ANKRD36: variants seen among roughly 807,000 people sequenced by gnomAD.
The protein encoded by ANKRD36 is ankyrin repeat domain 36.
A neutral mutation model predicts 278.1 loss-of-function variants in ANKRD36; 179 were observed. The observed-to-expected ratio is 0.64, with a 90% confidence interval of 0.57 to 0.73. The LOEUF is 0.73. ANKRD36 is among the 30% of genes least tolerant of loss of function. The probability of loss-of-function intolerance (pLI) is 0.00; values close to 1 mark genes in which losing one functional copy is unlikely to be tolerated. For synonymous variants in ANKRD36, 320 were observed against 641.1 expected, an observed-to-expected ratio of 0.50 and a Z score of 7.57; for missense variants, 1,159 against 1,956.7, an observed-to-expected ratio of 0.59 and a Z score of 7.69.
chr2:97,169,852 C>G (rs1275462557), intron 22 of ANKRD36, among the ~76,000 whole-genome samples: 1 of 152,208 alleles, frequency 6.6e-6, no homozygotes, highest in Non-Finnish European at 1.5e-5. Context: ...AATGGCCATA[C>G]TGCCCAAAGT....
chr2:97,178,896 G>A (rs894130095), intron 22 of ANKRD36, among the ~76,000 whole-genome samples: 1 of 151,654 alleles, frequency 6.6e-6, no homozygotes, highest in African/African-American at 2.4e-5. Flanking sequence ...TATTTTAGAA[G>A]TGAAAATAAT....
chr2:97,184,998 T>C (rs2057085532), intron 28 of ANKRD36, among the ~76,000 whole-genome samples: 2 of 151,922 alleles, frequency 1.3e-5, no homozygotes, highest in South Asian at 4.2e-4. Context: ...TTCTCAGGTG[T>C]ATGAGTTGCT....
intron 22 of ANKRD36, among the ~76,000 whole-genome samples, chr2:97,179,381 G>A (rs2055430087): frequency 6.6e-6 from 1 of 151,556 alleles, no homozygotes; most frequent in Admixed American, 6.6e-5. Flanking sequence ...TGTATCACCT[G>A]CTTTGACGTT....
At chr2:97,149,891 G>T (rs997416209) in intron 12 of ANKRD36, among the ~76,000 whole-genome samples, 38 of 151,686 alleles carry the variant, frequency 2.5e-4, no homozygotes, top group African/African-American at 7.0e-4. Flanking sequence ...TCCTGGCTCT[G>T]TAATTAGACT....
At position 97,164,392 on chromosome 2, in the gene ANKRD36, T is replaced by C. The variant is rs2050070969; in HGVS notation, c.1459-5T>C. ...GTTAATCATTATGTTGTCAAACCCA[T>C]TCAGCATACGGTGAAAGACAGAGAT... is the stretch of plus-strand genomic sequence containing the variant. On this transcript the variant is annotated splice_polypyrimidine_tract_variant and splice_region_variant and intron_variant, in intron 19 of 75. Coordinates refer to ENST00000420699, the MANE Select transcript of ANKRD36 (RefSeq NM_001354587.1). The C allele has an allele frequency of 4.6e-6, 7 of 1,537,642 alleles. No individual in the cohort carries two copies. Among genetic ancestry groups the C allele is most frequent in the Non-Finnish European group, 6.1e-6 (7 of 1,146,866 alleles).
At chr2:97,230,109 A>T (rs1325641891) in intron 67 of ANKRD36, among the ~76,000 whole-genome samples, 1 of 151,994 alleles carries the variant, frequency 6.6e-6, no homozygotes, top group Non-Finnish European at 1.5e-5. Flanking sequence ...TCTGACAATT[A>T]TGTGTCTTGG....
chr2:97,190,713 G>A (rs952677736), intron 34 of ANKRD36, among the ~76,000 whole-genome samples: 1 of 151,500 alleles, frequency 6.6e-6, no homozygotes, highest in Non-Finnish European at 1.5e-5. Flanking sequence ...TATCCACATT[G>A]ATATTGACAC....
intron 60 of ANKRD36, among the ~76,000 whole-genome samples, chr2:97,214,394 T>C (rs2065408501): frequency 1.4e-5 from 2 of 146,720 alleles, no homozygotes; most frequent in Non-Finnish European, 3.0e-5. Context: ...GACTCTTGGA[T>C]AAAATAGGTA....
rs190471932 is a variant in ANKRD36 at position 97,137,678 on chromosome 2, C to T, written c.800-4962C>T. On this transcript the variant is annotated intron_variant, in intron 6 of 75. Coordinates refer to ENST00000420699, the MANE Select transcript of ANKRD36 (RefSeq NM_001354587.1). ...CCGGTTCTAGATCCTTGAGGAATCACCACACTGTCTTCCACAATGGTTGAA... is the reference window on the plus strand; with the variant it reads ...CCGGTTCTAGATCCTTGAGGAATCATCACACTGTCTTCCACAATGGTTGAA... Among the ~76,000 whole-genome samples the T allele has an allele frequency of 1.3e-5, 2 of 152,116 alleles. 1 individual carries two copies. Among genetic ancestry groups the T allele is most frequent in the African/African-American group, 4.8e-5 (2 of 41,536 alleles).
chr2:97,172,520 T>C (rs1388835004), intron 22 of ANKRD36, among the ~76,000 whole-genome samples: 7 of 151,928 alleles, frequency 4.6e-5, no homozygotes, highest in African/African-American at 1.7e-4. Context: ...AGCATAGCTG[T>C]ATCTCTCCCA....
intron 66 of ANKRD36, among the ~76,000 whole-genome samples, chr2:97,220,775 A>ATTTTTTTT (rs58512786): frequency 1.8e-4 from 11 of 62,696 alleles, no homozygotes; most frequent in African/African-American, 2.8e-4. Flanking sequence ...TTTTTTTTTA[A>ATTTTTTTT]TTTTTTTTTT....
At chr2:97,169,543 C>T (rs575056518) in intron 22 of ANKRD36, among the ~76,000 whole-genome samples, 4 of 152,406 alleles carry the variant, frequency 2.6e-5, no homozygotes, top group Non-Finnish European at 5.9e-5. Flanking sequence ...ACCAAATTGT[C>T]TCAGCCCCAA....
intron 28 of ANKRD36, among the ~76,000 whole-genome samples, chr2:97,184,788 A>G (rs1356470852): frequency 2.6e-5 from 4 of 151,796 alleles, no homozygotes; most frequent in Non-Finnish European, 5.9e-5. Context: ...CCAACCATAT[A>G]TCCAAGCTGA....
intron 22 of ANKRD36, among the ~76,000 whole-genome samples, chr2:97,169,169 A>G (rs1009290307): frequency 4.6e-5 from 7 of 152,236 alleles, no homozygotes; most frequent in African/African-American, 9.6e-5. Flanking sequence ...ATAAGATGGT[A>G]TCTCATTGTG....
intron 15 of ANKRD36, among the ~76,000 whole-genome samples, chr2:97,156,448 C>T (rs1355742251): frequency 3.7e-5 from 5 of 134,042 alleles, no homozygotes; most frequent in South Asian, 2.3e-4. Flanking sequence ...TCAATTCCCA[C>T]CTATGAGTGA....
rs1019481478 is a variant in ANKRD36, at chr2:97,204,319, C to G, written c.3061+56C>G. ...TCAGTGCAGATAGATAAGAAGTTCT[C>G]TTCCCTGAATAAATCAGCGGGGGGC... On this transcript the variant is annotated intron_variant, in intron 50 of 75. Coordinates refer to ENST00000420699, the MANE Select transcript of ANKRD36 (RefSeq NM_001354587.1). 5 of 1,498,030 alleles carry G rather than the reference C, an allele frequency of 3.3e-6. No individual in the cohort carries two copies. In the East Asian group the frequency reaches 1.0e-4, roughly 30 times the overall value. The allele number at this position is 1,498,030 out of a possible 1,614,324, so 92.8% of individuals were successfully genotyped here. A position where few individuals can be genotyped will look rare whatever the true frequency, so the allele number is the denominator to read the frequency against.
At chr2:97,260,637 A>G (rs2076643532) in intron 75 of ANKRD36, among the ~76,000 whole-genome samples, 1 of 114,414 alleles carries the variant, frequency 8.7e-6, no homozygotes, top group African/African-American at 3.7e-5. Flanking sequence ...CAGCTGCATT[A>G]GCCAGTACAT....
At chr2:97,209,369 C>T (rs752533629) in intron 54 of ANKRD36, among the ~76,000 whole-genome samples, 2 of 146,594 alleles carry the variant, frequency 1.4e-5, no homozygotes, top group Admixed American at 1.3e-4. Flanking sequence ...ATGAGTTGTT[C>T]CTCTGATTTT....
chr2:97,137,128 AG>A (rs1270728762), intron 6 of ANKRD36, among the ~76,000 whole-genome samples: 1 of 152,058 alleles, frequency 6.6e-6, no homozygotes, highest in African/African-American at 2.4e-5. Flanking sequence ...ACAAGGTCTA[AG>A]GCATGTACAA....
Sources: allele counts gnomAD v4.1 joint callset (sites outside exome capture counted in the v4.1 genomes callset), GRCh38; gene constraint gnomAD v4.1.1; transcripts MANE v1.5; gene names NCBI Gene and HGNC (gene_info 2026-07-23, HGNC 2026-07-21).